Variants in PLXDC2 observed in about 807,000 individuals in gnomAD.
PLXDC2 encodes the protein plexin domain-containing protein 2.
In PLXDC2, 40 loss-of-function variants were observed where a neutral mutation model predicts 68.9. That is an observed-to-expected ratio of 0.58 (90% CI 0.45 to 0.76). The LOEUF is 0.76. Ranked by LOEUF, PLXDC2 falls within the 30% of genes least tolerant of loss-of-function variation. The pLI is 0.00. For missense variants in PLXDC2, 644 were observed against 661.9 expected (o/e 0.97, Z 0.30); for synonymous variants, 243 against 234.2 (o/e 1.04, Z -0.34).
At chr10:20,050,122 G>C (rs182584042) in intron 3 of PLXDC2, among the ~76,000 whole-genome samples, 125 of 152,084 alleles carry the variant, frequency 8.2e-4, no homozygotes, top group Non-Finnish European at 1.4e-3. Flanking sequence ...AAGACTCCCT[G>C]TTCAATAAAT....
chr10:20,047,076 G>T (rs1835810826), intron 3 of PLXDC2, 61 bp downstream of exon 3: 1 of 1,463,776 alleles, frequency 6.8e-7, no homozygotes, highest in Non-Finnish European at 9.1e-7. Context: ...TGCTTTAATT[G>T]GCCTACAACC....
At chr10:19,963,847 A>G (rs35753797) in intron 1 of PLXDC2, among the ~76,000 whole-genome samples, 1 of 151,962 alleles carries the variant, frequency 6.6e-6, no homozygotes, top group African/African-American at 2.4e-5. Flanking sequence ...AAAAAAAAAA[A>G]CAAAAAACAA....
At chr10:20,186,153 G>C (rs975105099) in intron 9 of PLXDC2, among the ~76,000 whole-genome samples, 1 of 151,814 alleles carries the variant, frequency 6.6e-6, no homozygotes, top group Non-Finnish European at 1.5e-5. Flanking sequence ...GCTAAAAAAA[G>C]TCCTTGCTGA....
At chr10:20,194,766 C>T (rs1354632838) in intron 9 of PLXDC2, among the ~76,000 whole-genome samples, 2 of 148,802 alleles carry the variant, frequency 1.3e-5, no homozygotes, top group East Asian at 2.0e-4. Flanking sequence ...AGGTATATCT[C>T]CTAATGCTAT....
At chr10:19,894,410 A>G (rs1838020610) in intron 1 of PLXDC2, among the ~76,000 whole-genome samples, 2 of 152,040 alleles carry the variant, frequency 1.3e-5, no homozygotes, top group Admixed American at 1.3e-4. Flanking sequence ...ACCACTTTCA[A>G]TTTCAATTGG....
intron 2 of PLXDC2, among the ~76,000 whole-genome samples, chr10:20,019,378 C>G (rs1306920923): frequency 1.3e-5 from 2 of 152,168 alleles, no homozygotes; most frequent in Non-Finnish European, 2.9e-5. Flanking sequence ...TTTGTAGCTA[C>G]TGATTTGGGC....
At chr10:20,238,268 TC>T (rs1835460683) in intron 12 of PLXDC2, among the ~76,000 whole-genome samples, 1 of 151,638 alleles carries the variant, frequency 6.6e-6, no homozygotes, top group African/African-American at 2.4e-5. Flanking sequence ...TTCTTTATTT[TC>T]CATGATTCAT....
At chr10:20,012,579 G>A (rs1835139181) in intron 2 of PLXDC2, among the ~76,000 whole-genome samples, 1 of 151,676 alleles carries the variant, frequency 6.6e-6, no homozygotes, top group South Asian at 2.1e-4. Flanking sequence ...ATCCACCTTG[G>A]CCTCCCAAAG....
chr10:19,950,645 A>G (rs72789621), intron 1 of PLXDC2, among the ~76,000 whole-genome samples: 2,200 of 152,324 alleles, frequency 0.014, 23 homozygotes, highest in Middle Eastern at 0.031. Flanking sequence ...AATTAGAACA[A>G]AACTATGCAA....
intron 9 of PLXDC2, among the ~76,000 whole-genome samples, chr10:20,210,406 AT>A (rs1835053303): frequency 6.6e-6 from 1 of 152,178 alleles, no homozygotes; most frequent in Admixed American, 6.5e-5. Flanking sequence ...AGGAGCGACT[AT>A]GGTAGCAATG....
chr10:19,987,857 C>T (rs1043215311), intron 1 of PLXDC2, among the ~76,000 whole-genome samples: 1 of 152,106 alleles, frequency 6.6e-6, no homozygotes, highest in Non-Finnish European at 1.5e-5. Context: ...CGTGAGCTAC[C>T]GCGCCCAGCC....
At chr10:20,023,320 G>A (rs1347162895) in intron 2 of PLXDC2, among the ~76,000 whole-genome samples, 1 of 151,840 alleles carries the variant, frequency 6.6e-6, no homozygotes, top group Non-Finnish European at 1.5e-5. Context: ...CTTTATTGTA[G>A]ATCTAAAACA....
At chr10:20,072,501 A>AAGAAAGAAAG (rs1320814759) in intron 4 of PLXDC2, among the ~76,000 whole-genome samples, 1 of 85,970 alleles carries the variant, frequency 1.2e-5, no homozygotes, top group East Asian at 5.9e-4. Flanking sequence ...AAGAGAAAGA[A>AAGAAAGAAAG]AGAAAGAAAG....
chr10:20,157,242 T>C (rs945358273), intron 6 of PLXDC2, among the ~76,000 whole-genome samples: 3 of 152,228 alleles, frequency 2.0e-5, no homozygotes, highest in Admixed American at 1.3e-4. Flanking sequence ...GTTGTTGCTG[T>C]TGTTTTTAAT....
intron 1 of PLXDC2, among the ~76,000 whole-genome samples, chr10:19,933,984 G>A (rs1455434086): frequency 6.6e-6 from 1 of 152,024 alleles, no homozygotes; most frequent in Non-Finnish European, 1.5e-5. Flanking sequence ...TTTCCTTTTT[G>A]TCAATTCTTC....
chr10:20,017,669 A>C (rs1835236437), intron 2 of PLXDC2, among the ~76,000 whole-genome samples: 1 of 152,200 alleles, frequency 6.6e-6, no homozygotes, highest in Non-Finnish European at 1.5e-5. Context: ...AGCACATACC[A>C]AATTTGTTTT....
chr10:20,038,123 C>A (rs536996525), intron 2 of PLXDC2, among the ~76,000 whole-genome samples: 1 of 152,042 alleles, frequency 6.6e-6, no homozygotes, highest in Non-Finnish European at 1.5e-5. Flanking sequence ...GTAGTCCCAG[C>A]TACTCAGGAG....
chr10:20,199,343 G>A (rs567415083), intron 9 of PLXDC2, among the ~76,000 whole-genome samples: 70 of 151,882 alleles, frequency 4.6e-4, no homozygotes, highest in Non-Finnish European at 8.7e-4. Context: ...AAACATTAAA[G>A]TAACAAAAAA....
chr10:19,892,078 T>C (rs1262273838), intron 1 of PLXDC2, among the ~76,000 whole-genome samples: 1 of 152,230 alleles, frequency 6.6e-6, no homozygotes, highest in African/African-American at 2.4e-5. Flanking sequence ...GGAGAAATAG[T>C]CAAGTTACAT....
Sources: allele counts gnomAD v4.1 joint callset (sites outside exome capture counted in the v4.1 genomes callset), GRCh38; gene constraint gnomAD v4.1.1; transcripts MANE v1.5; gene names NCBI Gene and HGNC (gene_info 2026-07-23, HGNC 2026-07-21).